The following NIBAN1 variants were observed in gnomAD, a reference collection of about 807,000 sequenced individuals.
NIBAN1 encodes the protein niban apoptosis regulator 1.
In NIBAN1, 81 loss-of-function variants were observed where a neutral mutation model predicts 75.1. The ratio of observed to expected loss-of-function variants is 1.08; its 90% CI spans 0.90 to 1.30. NIBAN1 has a LOEUF of 1.30. NIBAN1 is among the 50% of genes most tolerant of loss of function. The probability of loss-of-function intolerance (pLI) is 0.00; values close to 1 mark genes in which losing one functional copy is unlikely to be tolerated. For missense variants in NIBAN1, 1,133 were observed against 1,128.1 expected (o/e 1.00, Z -0.06); for synonymous variants, 436 against 424.8 (o/e 1.03, Z -0.32).
chr1:184,819,584 G>A (rs1654634704), intron 8 of NIBAN1, among the ~76,000 whole-genome samples: 1 of 152,206 alleles, frequency 6.6e-6, no homozygotes, highest in African/African-American at 2.4e-5. Flanking sequence ...TGTTTTCAGA[G>A]CAGAGGTAAC....
chr1:184,926,135 C>T (rs372889266), intron 1 of NIBAN1, among the ~76,000 whole-genome samples: 16 of 151,100 alleles, frequency 1.1e-4, no homozygotes, highest in Admixed American at 2.0e-4. Flanking sequence ...TTTTTTCCTT[C>T]GGTACTTGAA....
At chr1:184,835,513 T>C (rs558410523) in intron 5 of NIBAN1, among the ~76,000 whole-genome samples, 1 of 152,358 alleles carries the variant, frequency 6.6e-6, no homozygotes, top group African/African-American at 2.4e-5. Flanking sequence ...TCCTCTTTTA[T>C]TTCACTGAGC....
rs1213980299 is a variant in NIBAN1, at chr1:184,831,930, CT to C, written c.633del (p.Ala212ProfsTer3). 6.2e-7 allele frequency: 1 copy of C among 1,613,956 alleles called. No homozygotes were observed. The highest frequency in any genetic ancestry group is 2.2e-5 in the East Asian group (1 of 44,888). Reference protein sequence around the residue: ...DYMKQMTFEAQAFLEAVQFFR... With the variant: ...DYMKQMTFEAXAFLEAVQFFR... ...AAGAATTGCACAGCTTCTAAAAAGGCTTGGGCTTCAAATGTCATCTGCTTCA... is the reference window on the plus strand; with the variant it reads ...AAGAATTGCACAGCTTCTAAAAAGGCTGGGCTTCAAATGTCATCTGCTTCA... On this transcript the variant is annotated frameshift_variant, in exon 6 of 14. Coordinates refer to ENST00000367511, the MANE Select transcript of NIBAN1 (RefSeq NM_052966.4). LOFTEE classifies it high-confidence loss of function.
rs1020325135 is a variant in NIBAN1, at chr1:184,823,619, G to A, written c.822+19C>T. ...TCCCATTTTGAGTAGCTCAGTTGTA[G>A]AGCAAAACCATTGCTTACACCAAGC... On this transcript the variant is annotated intron_variant, in intron 7 of 13. Coordinates refer to ENST00000367511, the MANE Select transcript of NIBAN1 (RefSeq NM_052966.4). 2.5e-6 allele frequency: 4 copies of A among 1,610,914 alleles called. No homozygotes were observed. The highest frequency in any genetic ancestry group is 1.3e-5 in the African/African-American group (1 of 74,872).
chr1:184,842,980 T>C (rs771942636), intron 5 of NIBAN1, among the ~76,000 whole-genome samples: 5 of 152,210 alleles, frequency 3.3e-5, no homozygotes, highest in Non-Finnish European at 5.9e-5. Context: ...TTGATGACCT[T>C]GTTCCCTCCT....
At chr1:184,926,106 C>T (rs1657674875) in intron 1 of NIBAN1, among the ~76,000 whole-genome samples, 1 of 152,194 alleles carries the variant, frequency 6.6e-6, no homozygotes, top group African/African-American at 2.4e-5. Flanking sequence ...ATATACTATT[C>T]TAGGATACAA....
At chr1:184,861,460 G>A (rs1390984751) in intron 5 of NIBAN1, among the ~76,000 whole-genome samples, 2 of 151,974 alleles carry the variant, frequency 1.3e-5, no homozygotes, top group East Asian at 1.9e-4. Flanking sequence ...CATACAAAAG[G>A]TGCTGATAAG....
chr1:184,821,557 T>C (rs1654700345), intron 8 of NIBAN1: 1 of 152,188 alleles, frequency 6.6e-6, no homozygotes, highest in Non-Finnish European at 1.5e-5. Flanking sequence ...TAAATACTAA[T>C]TCAGGGCAAA....
chr1:184,884,513 C>T, intron 5 of NIBAN1, 120 bp downstream of exon 5: 1 of 1,336,744 alleles, frequency 7.5e-7, no homozygotes, highest in Non-Finnish European at 1.0e-6. Flanking sequence ...GCATGAGCCA[C>T]CGCACTTGGC....
chr1:184,904,434 G>T (rs1012147823), intron 1 of NIBAN1, among the ~76,000 whole-genome samples: 6 of 152,078 alleles, frequency 3.9e-5, no homozygotes, highest in Non-Finnish European at 8.8e-5. Context: ...CTTAGCTTCA[G>T]TTCACCTTTG....
At position 184,791,332 on chromosome 1, in the gene NIBAN1, T is replaced by C. The variant is rs1473088528; in HGVS notation, c.*3645A>G. The C allele has an allele frequency of 6.1e-6, 1 of 162,880 alleles. No individual in the cohort carries two copies. The highest frequency in any genetic ancestry group is 1.8e-4 in the East Asian group (1 of 5,472). 10.1% of individuals were successfully genotyped at this position (162,880 alleles called of 1,614,324 possible). A position where few individuals can be genotyped will look rare whatever the true frequency, so the allele number is the denominator to read the frequency against. ...CACATATCACTTAACCTTATTATAATGAACGAAAATCACTTTTGTCTTGGG... is the reference window on the plus strand; with the variant it reads ...CACATATCACTTAACCTTATTATAACGAACGAAAATCACTTTTGTCTTGGG... On this transcript the variant is annotated 3_prime_UTR_variant, in exon 14 of 14. Transcript: ENST00000367511.
chr1:184,811,681 A>G (rs1468983350), intron 9 of NIBAN1, among the ~76,000 whole-genome samples: 2 of 151,848 alleles, frequency 1.3e-5, no homozygotes, highest in African/African-American at 4.8e-5. Flanking sequence ...TTTAGTAGAG[A>G]CAGGGTTTCA....
chr1:184,853,859 T>C (rs1655606554), intron 5 of NIBAN1, among the ~76,000 whole-genome samples: 2 of 152,202 alleles, frequency 1.3e-5, no homozygotes, highest in South Asian at 4.1e-4. Flanking sequence ...GAAGTCTCTT[T>C]GCTTTCCCAT....
At chr1:184,816,025 C>T (rs1010923437) in intron 9 of NIBAN1, among the ~76,000 whole-genome samples, 1 of 152,152 alleles carries the variant, frequency 6.6e-6, no homozygotes, top group Non-Finnish European at 1.5e-5. Context: ...TATGCAGCTG[C>T]TGACACTTGT....
intron 6 of NIBAN1, among the ~76,000 whole-genome samples, chr1:184,827,957 TTTG>T (rs1557879487): frequency 6.7e-6 from 1 of 150,172 alleles, no homozygotes; most frequent in African/African-American, 2.4e-5. Context: ...AGTTTTGTTT[TTTG>T]TTTTTTTTTT....
At position 184,798,207 on chromosome 1, in the gene NIBAN1, T is replaced by G. The variant is rs762334096; in HGVS notation, c.1555-17A>C. ...CTGAAGCTCCTGGAGAGCAAGAGAT[T>G]AGAAGATAAAGATGAAAAGGCATGA... On this transcript the variant is annotated splice_polypyrimidine_tract_variant and intron_variant, in intron 12 of 13. Coordinates refer to ENST00000367511, the MANE Select transcript of NIBAN1 (RefSeq NM_052966.4). 6 of 1,534,884 alleles carry G rather than the reference T, an allele frequency of 3.9e-6. No individual in the cohort carries two copies. Among genetic ancestry groups the G allele is most frequent in the Non-Finnish European group, 5.4e-6 (6 of 1,118,050 alleles).
At chr1:184,836,619 C>G (rs949841750) in intron 5 of NIBAN1, among the ~76,000 whole-genome samples, 1 of 152,108 alleles carries the variant, frequency 6.6e-6, no homozygotes, top group Non-Finnish European at 1.5e-5. Context: ...AGAAGGAGAG[C>G]TCCAATGTAA....
intron 1 of NIBAN1, among the ~76,000 whole-genome samples, chr1:184,931,160 C>G (rs181035909): frequency 6.6e-6 from 1 of 151,940 alleles, no homozygotes; most frequent in South Asian, 2.1e-4. Context: ...CTACCCTACC[C>G]GGCTAGTTTT....
At position 184,964,667 on chromosome 1, in the gene NIBAN1, C is replaced by T. The variant is rs116634973; in HGVS notation, c.55+9635G>A. On this transcript the variant is annotated intron_variant, in intron 1 of 13. Coordinates refer to ENST00000367511, the MANE Select transcript of NIBAN1 (RefSeq NM_052966.4). ...TCCCATGGTAAGGGTTCAACGAAGA[C>T]TCCATGGCAGCTTTCTAGGGGAAGA... Among the ~76,000 whole-genome samples the T allele has an allele frequency of 1.1e-3, 171 of 152,292 alleles. 2 individuals are homozygous for T. Among genetic ancestry groups the T allele is most frequent in the African/African-American group, 4.0e-3 (165 of 41,568 alleles).
Sources: gnomAD v4.1 joint callset for allele counts (sites outside exome capture counted in the v4.1 genomes callset) on GRCh38, gnomAD v4.1.1 for gene constraint, MANE v1.5 for transcripts, NCBI Gene and HGNC (gene_info 2026-07-23, HGNC 2026-07-21) for gene names.